CACNA1C: variants seen among roughly 807,000 people sequenced by gnomAD.
CACNA1C encodes calcium voltage-gated channel subunit alpha1 C, also known as voltage-dependent L-type calcium channel subunit alpha-1C.
Under a neutral mutation model 229.0 loss-of-function variants are expected in CACNA1C, and 30 were observed. The observed-to-expected ratio is 0.13, with a 90% CI of 0.10 to 0.18. The LOEUF is 0.18. CACNA1C is among the 10% of genes least tolerant of loss of function. The pLI is 1.00. For missense variants in CACNA1C, 1,658 were observed against 2,845.0 expected (o/e 0.58, Z 9.49); for synonymous variants, 1,114 against 1,132.5 (o/e 0.98, Z 0.33).
chr12:2,455,873 C>T (rs942509038), intron 4 of CACNA1C, among the ~76,000 whole-genome samples: 7 of 152,118 alleles, frequency 4.6e-5, no homozygotes, highest in African/African-American at 1.4e-4. Flanking sequence ...TCTCTTGACC[C>T]CTCAATGTGG....
At chr12:2,451,677 G>A (rs551831939) in intron 4 of CACNA1C, among the ~76,000 whole-genome samples, 4 of 152,270 alleles carry the variant, frequency 2.6e-5, no homozygotes, top group East Asian at 3.9e-4. Flanking sequence ...GTCTGGACCC[G>A]CTTCATCCCT....
Position 2,017,681 on chromosome 12 carries a change from A to G in CACNA1C, c.139+46480A>G, listed in dbSNP as rs147480762. On this transcript the variant is annotated intron_variant, in intron 1 of 46. Transcript: ENST00000682462. Reference sequence around the variant, plus strand: ...TTCTGTTTTTTTTTTTTCTGACCTAATGCCTCTACTGATAAAAATATTTTT... The same window carrying G: ...TTCTGTTTTTTTTTTTTCTGACCTAGTGCCTCTACTGATAAAAATATTTTT... Among the ~76,000 whole-genome samples the G allele has an allele frequency of 7.0e-3, 1,041 of 149,636 alleles. 8 individuals are homozygous for G. Among genetic ancestry groups the G allele is most frequent in the African/African-American group, 0.024 (979 of 40,536 alleles).
chr12:2,124,557 A>G (rs771718223), intron 3 of CACNA1C, among the ~76,000 whole-genome samples: 2 of 152,216 alleles, frequency 1.3e-5, no homozygotes, highest in Non-Finnish European at 2.9e-5. Flanking sequence ...CTTTAACGGC[A>G]GAGGAGTGCT....
intron 1 of CACNA1C, among the ~76,000 whole-genome samples, chr12:2,092,488 C>T (rs766114627): frequency 1.3e-5 from 2 of 152,146 alleles, no homozygotes; most frequent in Non-Finnish European, 1.5e-5. Context: ...GAGCCTCGCA[C>T]CCTGGACGTG....
chr12:2,377,299 A>C (rs1298263242), intron 3 of CACNA1C, among the ~76,000 whole-genome samples: 1 of 152,164 alleles, frequency 6.6e-6, no homozygotes, highest in Non-Finnish European at 1.5e-5. Flanking sequence ...GAGGACTCTC[A>C]GCAGAGCCCT....
Position 2,585,361 on chromosome 12 carries a change from C to T in CACNA1C, c.2340-15C>T, listed in dbSNP as rs1254847104. The T allele has an allele frequency of 6.2e-7, 1 of 1,608,284 alleles. No homozygotes were observed. Among genetic ancestry groups the T allele is most frequent in the Non-Finnish European group, 8.5e-7 (1 of 1,177,560 alleles). On this transcript the variant is annotated splice_polypyrimidine_tract_variant and intron_variant, in intron 16 of 46. Transcript: ENST00000399655. The surrounding 1 kb of genome is among the most constrained non-coding windows in gnomAD (Gnocchi z 4.1). ...GTAAACAGCCATTTATTTTTTTCTG[C>T]TGCTGACTGGCCAGGACTGCCAGCC...
At chr12:2,112,137 C>T (rs1290903744) in intron 1 of CACNA1C, among the ~76,000 whole-genome samples, 1 of 152,206 alleles carries the variant, frequency 6.6e-6, no homozygotes, top group Non-Finnish European at 1.5e-5. Context: ...CAGCAACCCT[C>T]CGTCGCCCCA....
chr12:2,465,354 G>C (rs1451193205), intron 5 of CACNA1C, among the ~76,000 whole-genome samples: 1 of 151,808 alleles, frequency 6.6e-6, no homozygotes, highest in African/African-American at 2.4e-5. Context: ...TGGATTCAAG[G>C]GGAGAGTTTA....
At chr12:2,107,076 A>G (rs4765894) in intron 1 of CACNA1C, among the ~76,000 whole-genome samples, 5,198 of 22,504 alleles carry the variant, frequency 0.23, 1,342 homozygotes, top group African/African-American at 0.27. Context: ...TGCTCACCCC[A>G]GGGAGGGTTT....
intron 1 of CACNA1C, among the ~76,000 whole-genome samples, chr12:2,026,138 T>C (rs1221431864): frequency 6.6e-6 from 1 of 152,202 alleles, no homozygotes; most frequent in Non-Finnish European, 1.5e-5. Context: ...AGTATGAGTA[T>C]AAATGATCAA....
intron 1 of CACNA1C, among the ~76,000 whole-genome samples, chr12:1,984,243 T>C (rs1038963615): frequency 3.8e-4 from 58 of 152,110 alleles, no homozygotes; most frequent in African/African-American, 1.4e-3. Flanking sequence ...ACCGATATGG[T>C]TGAACTTGGG....
intron 3 of CACNA1C, among the ~76,000 whole-genome samples, chr12:2,170,902 C>T (rs1010253747): frequency 5.9e-5 from 9 of 152,212 alleles, no homozygotes; most frequent in African/African-American, 1.9e-4. Context: ...GAATGGGACC[C>T]ACCCCTGCTG....
At chr12:2,219,414 C>T (rs151140989) in intron 3 of CACNA1C, among the ~76,000 whole-genome samples, 2 of 152,340 alleles carry the variant, frequency 1.3e-5, no homozygotes, top group East Asian at 1.9e-4. Context: ...GAGAGACCAA[C>T]AGATAGGGCT....
chr12:2,153,458 A>G (rs1433743897), intron 3 of CACNA1C, among the ~76,000 whole-genome samples: 1 of 151,990 alleles, frequency 6.6e-6, no homozygotes, highest in Non-Finnish European at 1.5e-5. Flanking sequence ...TCTACCTATT[A>G]AACAATCAGT....
At chr12:2,233,041 G>A (rs560695754) in intron 3 of CACNA1C, among the ~76,000 whole-genome samples, 62 of 152,226 alleles carry the variant, frequency 4.1e-4, no homozygotes, top group Admixed American at 9.2e-4. Flanking sequence ...GTACTGATTC[G>A]TTTTATTGGA....
intron 3 of CACNA1C, among the ~76,000 whole-genome samples, chr12:2,140,442 G>A (rs896760438): frequency 6.6e-5 from 10 of 151,408 alleles, no homozygotes; most frequent in African/African-American, 2.2e-4. Flanking sequence ...AAGAGAAGCT[G>A]TTCATGGACT....
rs2097809581 is a variant in CACNA1C at position 2,693,469 on chromosome 12, C to G, written c.*2270C>G. On this transcript the variant is annotated 3_prime_UTR_variant, in exon 47 of 47. Transcript: ENST00000399655. Reference sequence around the variant, plus strand: ...TCCGGATTCTTGTTGCTCTACCCAACAAGGACAGCAGGGGCTCGAGAAAGG... The same window carrying G: ...TCCGGATTCTTGTTGCTCTACCCAAGAAGGACAGCAGGGGCTCGAGAAAGG... 6.6e-6 allele frequency: 1 copy of G among 152,232 alleles called. No homozygotes were observed. The highest frequency in any genetic ancestry group is 6.5e-5 in the Admixed American group (1 of 15,288). 9.4% of individuals were successfully genotyped at this position (152,232 alleles called of 1,614,324 possible).
chr12:2,379,459 G>A (rs1004407273), intron 3 of CACNA1C, among the ~76,000 whole-genome samples: 1 of 152,210 alleles, frequency 6.6e-6, no homozygotes, highest in Admixed American at 6.5e-5. Flanking sequence ...CTGGGGCTGG[G>A]GACAAGGAAG....
intron 1 of CACNA1C, among the ~76,000 whole-genome samples, chr12:1,988,795 G>A (rs1433152815): frequency 1.3e-5 from 2 of 151,952 alleles, no homozygotes; most frequent in African/African-American, 4.8e-5. Flanking sequence ...TTTCATTCAG[G>A]GTACTATTTC....
Sources: allele counts gnomAD v4.1 joint callset (sites outside exome capture counted in the v4.1 genomes callset), GRCh38; gene constraint gnomAD v4.1.1; non-coding constraint Gnocchi (gnomAD v3.1); transcripts MANE v1.5; gene names NCBI Gene and HGNC (gene_info 2026-07-23, HGNC 2026-07-21).